The following HORMAD2 variants were observed in gnomAD, a reference collection of about 807,000 sequenced individuals.
HORMAD2 encodes HORMA domain containing 2.
HORMAD2 carries 45 observed loss-of-function variants against 38.8 expected under a neutral mutation model. That is an observed-to-expected ratio of 1.16 (90% CI 0.91 to 1.49). HORMAD2 has a LOEUF of 1.49. Ranked by LOEUF, HORMAD2 falls within the 40% of genes most tolerant of loss-of-function variation. HORMAD2 has a pLI of 0.00. For missense variants in HORMAD2, 338 were observed against 367.0 expected, an observed-to-expected ratio of 0.92 and a Z score of 0.65; for synonymous variants, 126 against 122.8, an observed-to-expected ratio of 1.03 and a Z score of -0.17.
At chr22:30,174,832 A>T (rs755782678) in intron 10 of HORMAD2, among the ~76,000 whole-genome samples, 1 of 152,204 alleles carries the variant, frequency 6.6e-6, no homozygotes, top group African/African-American at 2.4e-5. Flanking sequence ...TTGACTTTTT[A>T]TGTTGCTATT....
At position 30,109,179 on chromosome 22, in the gene HORMAD2, T is replaced by G. The variant is rs576719017; in HGVS notation, c.295-2617T>G. On this transcript the variant is annotated intron_variant, in intron 5 of 10. Coordinates refer to ENST00000336726, the MANE Select transcript of HORMAD2 (RefSeq NM_152510.4). ...AGCTGGGATTACAGGTGCCTGCCAC[T>G]ACACCTGGCTAATTTTTTGTATTTT... is the stretch of plus-strand genomic sequence containing the variant. 3.1e-3 allele frequency among the ~76,000 whole-genome samples: 463 copies of G among 151,628 alleles called. 8 individuals carry two copies. Among genetic ancestry groups the G allele is most frequent in the African/African-American group, 0.011 (447 of 41,362 alleles).
intron 1 of HORMAD2, among the ~76,000 whole-genome samples, chr22:30,087,205 G>A (rs1028552384): frequency 6.6e-6 from 1 of 152,194 alleles, no homozygotes; most frequent in African/African-American, 2.4e-5. Context: ...GAACGAGGAA[G>A]GGATTAAGGT....
At chr22:30,194,227 G>A in the HORMAD2 span, among the ~76,000 whole-genome samples, 1 of 152,182 alleles carries the variant, frequency 6.6e-6, no homozygotes, top group Non-Finnish European at 1.5e-5. Context: ...TAGTCCAAAG[G>A]TTCACGTTTT....
chr22:30,104,382 A>C lies in HORMAD2; in HGVS notation c.258-19A>C. 6.2e-7 allele frequency: 1 copy of C among 1,604,018 alleles called. No individual in the cohort carries two copies. The highest frequency in any genetic ancestry group is 8.5e-7 in the Non-Finnish European group (1 of 1,175,668). ...TTTGCATATGGTCCAATTGACATCA[A>C]ACATTTATTTCTTGACAGGATTCAA... On this transcript the variant is annotated intron_variant, in intron 4 of 10. Coordinates refer to ENST00000336726, the MANE Select transcript of HORMAD2 (RefSeq NM_152510.4).
At position 30,128,805 on chromosome 22, in the gene HORMAD2, G is replaced by A. The variant is rs926264390; in HGVS notation, c.819+6591G>A. Reference sequence around the variant, plus strand: ...CACGTGTGTTCAAGATAGAGTATATGATTAGGGTGTTGCAAAAGTAAAATC... The same window carrying A: ...CACGTGTGTTCAAGATAGAGTATATAATTAGGGTGTTGCAAAAGTAAAATC... On this transcript the variant is annotated intron_variant, in intron 10 of 10. Transcript: ENST00000336726. Among the ~76,000 whole-genome samples, 39 of 152,170 alleles carry A rather than the reference G, an allele frequency of 2.6e-4. 1 individual carries two copies. Among genetic ancestry groups the A allele is most frequent in the Admixed American group, 6.5e-5 (1 of 15,272 alleles).
the HORMAD2 span, among the ~76,000 whole-genome samples, chr22:30,200,999 C>T: frequency 1.3e-5 from 2 of 152,086 alleles, no homozygotes; most frequent in Admixed American, 1.3e-4. Flanking sequence ...ATCCGCCCAC[C>T]TCGGCCTCCC....
chr22:30,096,159 A>G (rs560386769), intron 2 of HORMAD2, among the ~76,000 whole-genome samples: 3 of 152,280 alleles, frequency 2.0e-5, no homozygotes, highest in Non-Finnish European at 2.9e-5. Context: ...TTGGGGGCGT[A>G]TACCCCAGTT....
At chr22:30,111,148 C>T (rs1198030991) in intron 5 of HORMAD2, among the ~76,000 whole-genome samples, 1 of 115,862 alleles carries the variant, frequency 8.6e-6, no homozygotes, top group African/African-American at 3.0e-5. Flanking sequence ...GAGCAAGACT[C>T]TGTCAAAAAA....
At chr22:30,148,778 G>T (rs945570003) in intron 10 of HORMAD2, among the ~76,000 whole-genome samples, 13 of 152,156 alleles carry the variant, frequency 8.5e-5, no homozygotes, top group Admixed American at 8.5e-4. Flanking sequence ...GCCGAGACGG[G>T]CAGATCACGA....
At chr22:30,086,130 A>T (rs2146055211) in intron 1 of HORMAD2, among the ~76,000 whole-genome samples, 1 of 152,234 alleles carries the variant, frequency 6.6e-6, no homozygotes, top group South Asian at 2.1e-4. Flanking sequence ...GTTGTTTAAA[A>T]GTGTGTAGCA....
At chr22:30,164,433 C>T (rs1925650562) in intron 10 of HORMAD2, among the ~76,000 whole-genome samples, 1 of 152,144 alleles carries the variant, frequency 6.6e-6, no homozygotes, top group African/African-American at 2.4e-5. Flanking sequence ...ACAAGGGTTC[C>T]AGTTTCTTCA....
rs1400486323 is a variant in HORMAD2, at chr22:30,089,845, C to T, written c.-37-4071C>T. 3.9e-5 allele frequency among the ~76,000 whole-genome samples: 6 copies of T among 152,274 alleles called. No individual in the cohort carries two copies. The East Asian group carries it at 1.2e-3, about 29-fold the overall frequency. On this transcript the variant is annotated intron_variant, in intron 1 of 10. Coordinates refer to ENST00000336726, the MANE Select transcript of HORMAD2 (RefSeq NM_152510.4). Reference sequence around the variant, plus strand: ...TCCATTTCTAAAACCTTCTCATCATCGTGAACAGAAACTCTATACCTATTA... The same window carrying T: ...TCCATTTCTAAAACCTTCTCATCATTGTGAACAGAAACTCTATACCTATTA...
the HORMAD2 span, among the ~76,000 whole-genome samples, chr22:30,198,550 C>T: frequency 2.0e-5 from 3 of 152,030 alleles, no homozygotes; most frequent in Admixed American, 2.0e-4. Flanking sequence ...TAATGTGTGT[C>T]CAGGTCACCA....
At chr22:30,115,911 T>A (rs1207745328) in intron 7 of HORMAD2, among the ~76,000 whole-genome samples, 1 of 152,148 alleles carries the variant, frequency 6.6e-6, no homozygotes, top group Non-Finnish European at 1.5e-5. Context: ...CCCATGCAAG[T>A]CTGTGAAGGG....
intron 10 of HORMAD2, among the ~76,000 whole-genome samples, chr22:30,149,022 T>G (rs1035513766): frequency 6.6e-6 from 1 of 152,152 alleles, no homozygotes; most frequent in Admixed American, 6.5e-5. Context: ...AGAAAATATT[T>G]GTACTATTTT....
chr22:30,192,866 G>A, the HORMAD2 span, among the ~76,000 whole-genome samples: 1 of 152,146 alleles, frequency 6.6e-6, no homozygotes, highest in African/African-American at 2.4e-5. Flanking sequence ...GCAGGATAGA[G>A]GATGGTTTCC....
At chr22:30,121,844 A>G (rs573868846) in intron 9 of HORMAD2, 55 bp downstream of exon 9, 3 of 1,558,026 alleles carry the variant, frequency 1.9e-6, no homozygotes, top group South Asian at 2.4e-5. Flanking sequence ...AATATTTTCT[A>G]TAAGTAAAAG....
At chr22:30,181,202 C>T (rs145363735), downstream of HORMAD2, among the ~76,000 whole-genome samples, 1,550 of 151,696 alleles carry the variant, frequency 0.01, 23 homozygotes, top group African/African-American at 0.035. Flanking sequence ...TTTGTAGAGA[C>T]GGGGTTTTGC....
chr22:30,124,921 C>T (rs1922726897), intron 10 of HORMAD2, among the ~76,000 whole-genome samples: 1 of 152,152 alleles, frequency 6.6e-6, no homozygotes, highest in African/African-American at 2.4e-5. Context: ...CTTGCCAACA[C>T]TTATTGTCAG....
Sources: allele counts gnomAD v4.1 joint callset (sites outside exome capture counted in the v4.1 genomes callset), GRCh38; gene constraint gnomAD v4.1.1; transcripts MANE v1.5; gene names NCBI Gene and HGNC (gene_info 2026-07-23, HGNC 2026-07-21).